Variants in CIZ1 observed in about 807,000 individuals in gnomAD.
CIZ1 encodes cip1-interacting zinc finger protein.
A neutral mutation model predicts 118.6 loss-of-function variants in CIZ1; 58 were observed. The observed-to-expected ratio is 0.49, with a 90% CI of 0.40 to 0.61. CIZ1 has a LOEUF of 0.61. Ranked by LOEUF, CIZ1 falls within the 20% of genes least tolerant of loss-of-function variation. The pLI is 0.00. For missense variants in CIZ1, 921 were observed against 1,115.9 expected (o/e 0.83, Z 2.49); for synonymous variants, 448 against 443.4 (o/e 1.01, Z -0.13).
At chr9:128,194,255 G>C (rs151159026), upstream of CIZ1, among the ~76,000 whole-genome samples, 1 of 151,262 alleles carries the variant, frequency 6.6e-6, no homozygotes, top group Non-Finnish European at 1.5e-5. Flanking sequence ...CCAGCTACTC[G>C]GGAGGATGAG....
At chr9:128,191,696 G>C (rs1833179267), upstream of CIZ1, 1 of 1,292,706 alleles carries the variant, frequency 7.7e-7, no homozygotes, top group South Asian at 2.1e-5. The surrounding 1 kb of genome is among the most constrained non-coding windows in gnomAD (Gnocchi z 5.5). Flanking sequence ...GCTGCGGGGC[G>C]CTAGCAGGTG....
intron 12 of CIZ1, chr9:128,169,782 AACCCCT>A: frequency 7.2e-7 from 1 of 1,392,628 alleles, no homozygotes; most frequent in Admixed American, 2.0e-5. Flanking sequence ...CTGCCCAAAT[AACCCCT>A]GTGAGCCCCG....
chr9:128,177,769 TG>T lies in CIZ1; in HGVS notation c.1621-7del. The T allele has an allele frequency of 6.3e-7, 1 of 1,580,728 alleles. No homozygotes were observed. On this transcript the variant is annotated splice_region_variant and splice_polypyrimidine_tract_variant and intron_variant, in intron 9 of 16. Coordinates refer to ENST00000372938, the MANE Select transcript of CIZ1 (RefSeq NM_001131016.2). ...GAGCCCCCGGCGCCCCATACCTGCATGGGGAGTAGGAACTGAACTTCCATCA... is the reference window on the plus strand; with the variant it reads ...GAGCCCCCGGCGCCCCATACCTGCATGGGAGTAGGAACTGAACTTCCATCA...
rs968358344 is a variant in CIZ1 at position 128,203,074 on chromosome 9, T to A, written c.-6+1112A>T. On this transcript the variant is annotated intron_variant, in intron 1 of 17. Transcript: ENST00000372948. The surrounding 1 kb of genome is among the most constrained non-coding windows in gnomAD (Gnocchi z 5.3). ...AGGCTGTGACCTCAGAGGAAGCCCA[T>A]CTGCTCTCCAGGCCTGTTTCCTCAT... 1.3e-5 allele frequency: 2 copies of A among 152,230 alleles called. No individual in the cohort carries two copies. Among genetic ancestry groups the A allele is most frequent in the African/African-American group, 2.4e-5 (1 of 41,430 alleles). The allele number at this position is 152,230 out of a possible 1,614,324, so 9.4% of individuals were successfully genotyped here. A position where few individuals can be genotyped will look rare whatever the true frequency, so the allele number is the denominator to read the frequency against.
upstream of CIZ1, among the ~76,000 whole-genome samples, chr9:128,192,519 A>T (rs1588275073): frequency 6.6e-6 from 1 of 151,408 alleles, no homozygotes; most frequent in African/African-American, 2.4e-5. Context: ...TTGGCTACTA[A>T]GTAGTAATTC....
chr9:128,169,671 G>A, intron 12 of CIZ1, 152 bp from the exon 13 acceptor site: 1 of 1,538,600 alleles, frequency 6.5e-7, no homozygotes, highest in Non-Finnish European at 8.7e-7. Context: ...CTGGAACGTG[G>A]GCAAACACAT....
upstream of CIZ1, among the ~76,000 whole-genome samples, chr9:128,195,905 G>A (rs1455109353): frequency 6.6e-5 from 10 of 151,470 alleles, no homozygotes; most frequent in South Asian, 2.1e-4. Context: ...TCGCTCTGTC[G>A]CCCAAGCTGG....
intron 1 of CIZ1, chr9:128,196,838 G>A (rs537286862): frequency 6.6e-6 from 1 of 152,112 alleles, no homozygotes; most frequent in Non-Finnish European, 1.5e-5. Context: ...TCTTGACCTT[G>A]TGATACCCCC....
intron 13 of CIZ1, 79 bp from the exon 14 acceptor site, chr9:128,169,280 C>T (rs1336703125): frequency 3.3e-5 from 47 of 1,422,664 alleles, no homozygotes; most frequent in Non-Finnish European, 4.7e-5. Flanking sequence ...CACCCCTCCC[C>T]TGAGAGTCCC....
chr9:128,176,716 T>G (rs967146823), intron 10 of CIZ1, among the ~76,000 whole-genome samples: 10 of 152,130 alleles, frequency 6.6e-5, no homozygotes, highest in African/African-American at 2.4e-4. Context: ...GCGGCCTGAT[T>G]AGCATCCAGG....
rs1831237765 is a variant in CIZ1 at position 128,179,079 on chromosome 9, C to T, written c.1128G>A (p.Gln376=). 1.9e-6 allele frequency: 3 copies of T among 1,613,754 alleles called. No individual in the cohort carries two copies. In the Admixed American group the frequency reaches 5.0e-5, roughly 27 times the overall value. The change falls in exon 8 of 17, where the codon CAG becomes CAA. Residue 376 remains glutamine (Q), a synonymous_variant. Coordinates refer to ENST00000372938, the MANE Select transcript of CIZ1 (RefSeq NM_001131016.2). The part of the protein sequence containing the change: ...QQEAEPQKQV[Q]PQVQPQAHSQ... Reference sequence around the variant, plus strand: ...AATGTGCCTGTGGCTGTACCTGTGGCTGCACCTGCTTCTGTGGCTCTGCCT... The same window carrying T: ...AATGTGCCTGTGGCTGTACCTGTGGTTGCACCTGCTTCTGTGGCTCTGCCT...
At position 128,185,779 on chromosome 9, in the gene CIZ1, G is replaced by A; in HGVS notation, c.359-3C>T. 5.0e-6 allele frequency: 8 copies of A among 1,609,538 alleles called. No individual in the cohort carries two copies. The highest frequency in any genetic ancestry group is 6.8e-6 in the Non-Finnish European group (8 of 1,176,406). ...CATGCCATAGCCTCGGAGGTTACCT[G>A]CAGGCAAGAAGACAGGAGAAGAGGG... is the stretch of plus-strand genomic sequence containing the variant. On this transcript the variant is annotated splice_polypyrimidine_tract_variant and splice_region_variant and intron_variant, in intron 4 of 16. Transcript: ENST00000372938.
intron 7 of CIZ1, 130 bp from the exon 8 acceptor site, chr9:128,179,545 G>A (rs1333982089): frequency 9.1e-6 from 7 of 769,696 alleles, no homozygotes; most frequent in Non-Finnish European, 1.4e-5. Context: ...GGCTGAGGCA[G>A]GTGGATCATT....
chr9:128,188,049 C>CAAAAAA (rs34003070), intron 3 of CIZ1, 115 bp from the exon 4 acceptor site: 1,113 of 22,230 alleles, frequency 0.05, 76 homozygotes, highest in East Asian at 0.41. Context: ...CTTAAAACAG[C>CAAAAAA]AAAAAAAAAA....
chr9:128,193,842 G>T (rs895759819), upstream of CIZ1, among the ~76,000 whole-genome samples: 1 of 152,214 alleles, frequency 6.6e-6, no homozygotes, highest in African/African-American at 2.4e-5. Flanking sequence ...ACTGGCTGGG[G>T]GAGAGGCCTC....
intron 8 of CIZ1, 36 bp downstream of exon 8, chr9:128,178,673 C>T: frequency 6.3e-7 from 1 of 1,594,310 alleles, no homozygotes; most frequent in Non-Finnish European, 8.6e-7. Context: ...AGAGCTGTCC[C>T]ATCACCAGAC....
chr9:128,167,189 C>T (rs758057153), intron 14 of CIZ1, 25 bp from the exon 15 acceptor site: 24 of 1,539,098 alleles, frequency 1.6e-5, no homozygotes, highest in South Asian at 2.5e-5. Context: ...GTGTGGGCCT[C>T]GGATCTGGCT....
At chr9:128,170,136 A>G (rs375188557) in intron 11 of CIZ1, 29 bp from the exon 12 acceptor site, 13 of 1,590,234 alleles carry the variant, frequency 8.2e-6, no homozygotes, top group Admixed American at 1.7e-5. Context: ...AGCAAGTACA[A>G]TGTGACGCCA....
chr9:128,196,153 C>T (rs1833373021), upstream of CIZ1, among the ~76,000 whole-genome samples: 1 of 152,152 alleles, frequency 6.6e-6, no homozygotes, highest in Admixed American at 6.5e-5. Flanking sequence ...AGGCATGAGC[C>T]ACTAAACCTG....
Sources: allele counts gnomAD v4.1 joint callset (sites outside exome capture counted in the v4.1 genomes callset), GRCh38; gene constraint gnomAD v4.1.1; non-coding constraint Gnocchi (gnomAD v3.1); transcripts MANE v1.5; gene names NCBI Gene and HGNC (gene_info 2026-07-23, HGNC 2026-07-21).